Variants in TENM3 observed in about 807,000 individuals in gnomAD.
TENM3 encodes the protein teneurin-3.
A neutral mutation model predicts 255.1 loss-of-function variants in TENM3; 63 were observed. That is an observed-to-expected ratio of 0.25 (90% CI 0.20 to 0.30). The LOEUF (loss-of-function observed/expected upper bound fraction) is 0.30, where lower values mean the gene tolerates loss of function less well. Among genes scored for constraint, TENM3 ranks in the 10% least tolerant of loss-of-function variants. The pLI, the probability that TENM3 is intolerant of heterozygous loss-of-function variation, is 1.00. For synonymous variants in TENM3, 1,306 were observed against 1,322.3 expected, an observed-to-expected ratio of 0.99 and a Z score of 0.27; for missense variants, 2,929 against 3,461.1, an observed-to-expected ratio of 0.85 and a Z score of 3.86.
the TENM3 span, among the ~76,000 whole-genome samples, chr4:181,534,242 A>T: frequency 6.6e-6 from 1 of 152,032 alleles, no homozygotes; most frequent in Non-Finnish European, 1.5e-5. Flanking sequence ...CCTCAAAAAA[A>T]AAAAAAAAAC....
chr4:181,797,538 C>T, the TENM3 span, among the ~76,000 whole-genome samples: 5 of 152,234 alleles, frequency 3.3e-5, no homozygotes, highest in South Asian at 4.1e-4. Flanking sequence ...TTAACTCTAA[C>T]GCTGCCCCAT....
chr4:182,551,001 A>G (rs1741945181), intron 3 of TENM3, among the ~76,000 whole-genome samples: 1 of 152,158 alleles, frequency 6.6e-6, no homozygotes, highest in Admixed American at 6.5e-5. Context: ...TGGGTGGATC[A>G]CTTAAGGTCA....
the TENM3 span, among the ~76,000 whole-genome samples, chr4:181,508,780 A>C: frequency 4.6e-5 from 7 of 152,222 alleles, no homozygotes; most frequent in Middle Eastern, 3.4e-3. Context: ...CACTGATGCC[A>C]GGAAGGTCAA....
the TENM3 span, among the ~76,000 whole-genome samples, chr4:181,486,902 T>TC: frequency 6.6e-6 from 1 of 152,160 alleles, no homozygotes; most frequent in Admixed American, 6.5e-5. Flanking sequence ...AAAAATATAA[T>TC]CTTCTAATAG....
intron 13 of TENM3, among the ~76,000 whole-genome samples, chr4:182,719,262 T>TC (rs1561154612): frequency 6.3e-5 from 8 of 127,792 alleles, no homozygotes; most frequent in Admixed American, 7.8e-5. Context: ...CTTTTTTTTT[T>TC]TTTTTTTTTT....
the TENM3 span, among the ~76,000 whole-genome samples, chr4:181,888,618 G>GAGA: frequency 8.9e-6 from 1 of 111,782 alleles, no homozygotes; most frequent in Non-Finnish European, 1.9e-5. Context: ...GTGTGTGTGT[G>GAGA]GAAAGAGAGA....
At chr4:182,082,505 C>T in the TENM3 span, among the ~76,000 whole-genome samples, 1 of 152,196 alleles carries the variant, frequency 6.6e-6, no homozygotes, top group Non-Finnish European at 1.5e-5. Context: ...TTGAAAAACA[C>T]ATATATTAAT....
At chr4:181,607,518 G>C in the TENM3 span, among the ~76,000 whole-genome samples, 1 of 151,576 alleles carries the variant, frequency 6.6e-6, no homozygotes, top group East Asian at 2.0e-4. Context: ...GGCTTCAAAC[G>C]GTTCTCCTGC....
chr4:182,701,855 C>A (rs1048918338), intron 12 of TENM3, among the ~76,000 whole-genome samples: 2 of 152,184 alleles, frequency 1.3e-5, no homozygotes, highest in Admixed American at 1.3e-4. Flanking sequence ...TATAAACTTA[C>A]ACCATTCTGC....
the TENM3 span, among the ~76,000 whole-genome samples, chr4:181,631,110 C>T: frequency 6.6e-6 from 1 of 152,112 alleles, no homozygotes; most frequent in Admixed American, 6.5e-5. Flanking sequence ...CAAGCTCCCC[C>T]AGATTGTTGG....
At chr4:182,634,841 G>C (rs567601057) in intron 5 of TENM3, among the ~76,000 whole-genome samples, 1 of 151,784 alleles carries the variant, frequency 6.6e-6, no homozygotes. Context: ...ACTGTTCTTT[G>C]CTCACAGAAA....
chr4:182,104,420 T>C, the TENM3 span, among the ~76,000 whole-genome samples: 9 of 151,962 alleles, frequency 5.9e-5, no homozygotes, highest in South Asian at 1.5e-3. Flanking sequence ...TCACCTTTTC[T>C]ATAAAAAGTC....
At chr4:181,911,413 CA>C in the TENM3 span, among the ~76,000 whole-genome samples, 4 of 152,080 alleles carry the variant, frequency 2.6e-5, no homozygotes, top group Admixed American at 6.5e-5. Context: ...ACAATAAAGC[CA>C]AGCTTTTTTC....
chr4:182,456,109 T>C (rs1348812250), intron 3 of TENM3, among the ~76,000 whole-genome samples: 1 of 152,212 alleles, frequency 6.6e-6, no homozygotes, highest in Admixed American at 6.5e-5. Context: ...ACACTAAATA[T>C]AATTTAATTT....
chr4:181,857,571 AAAAAC>A, the TENM3 span, among the ~76,000 whole-genome samples: 12 of 114,542 alleles, frequency 1.0e-4, no homozygotes, highest in African/African-American at 5.7e-4. Flanking sequence ...AAAAAAAAAA[AAAAAC>A]AAAACAAAAC....
chr4:181,795,632 A>G, the TENM3 span, among the ~76,000 whole-genome samples: 1 of 152,154 alleles, frequency 6.6e-6, no homozygotes, highest in East Asian at 1.9e-4. Flanking sequence ...GGCTGATGTA[A>G]TTTGGTTGTG....
At chr4:181,896,754 T>A in the TENM3 span, among the ~76,000 whole-genome samples, 1 of 152,182 alleles carries the variant, frequency 6.6e-6, no homozygotes, top group Admixed American at 6.5e-5. Context: ...ATGCTGTCTC[T>A]CAGTAGACAC....
chr4:182,650,889 A>AAAAAAAAAATATATATATATATATATAT (rs1281790163), intron 5 of TENM3, among the ~76,000 whole-genome samples: 1 of 29,772 alleles, frequency 3.4e-5, no homozygotes, highest in Admixed American at 3.6e-4. Flanking sequence ...AATAAAAAAA[A>AAAAAAAAAATATATATATATATATATAT]ATATATATAT....
intron 13 of TENM3, among the ~76,000 whole-genome samples, chr4:182,717,772 T>G (rs1036042023): frequency 2.0e-5 from 3 of 152,234 alleles, no homozygotes; most frequent in Non-Finnish European, 2.9e-5. Flanking sequence ...GTACTTCACA[T>G]GGCTTATAAA....
Sources: gnomAD v4.1 joint callset for allele counts (sites outside exome capture counted in the v4.1 genomes callset) on GRCh38, gnomAD v4.1.1 for gene constraint, MANE v1.5 for transcripts, NCBI Gene and HGNC (gene_info 2026-07-23, HGNC 2026-07-21) for gene names.